Variants in SHANK2 observed in about 807,000 individuals in gnomAD.
SHANK2 encodes the protein SH3 and multiple ankyrin repeat domains protein 2.
A neutral mutation model predicts 133.7 loss-of-function variants in SHANK2; 43 were observed. The ratio of observed to expected loss-of-function variants is 0.32; its 90% CI spans 0.25 to 0.41. The LOEUF is 0.41. SHANK2 is among the 10% of genes least tolerant of loss of function. SHANK2 has a pLI of 1.00. For synonymous variants in SHANK2, 1,017 were observed against 952.8 expected (o/e 1.07, Z -1.24); for missense variants, 1,994 against 2,235.8 (o/e 0.89, Z 2.18).
chr11:70,661,498 T>TACAC, intron 16 of SHANK2, 98 bp downstream of exon 16: 1 of 1,067,576 alleles, frequency 9.4e-7, no homozygotes, highest in East Asian at 2.5e-5. Context: ...CATGCAGGCG[T>TACAC]ATACACACAC....
At chr11:71,186,175 T>C (rs1590999936) in intron 2 of SHANK2, among the ~76,000 whole-genome samples, 1 of 152,200 alleles carries the variant, frequency 6.6e-6, no homozygotes, top group African/African-American at 2.4e-5. Flanking sequence ...TTACTGTCAC[T>C]GAGAAACCTG....
At chr11:70,528,873 C>A (rs1386302850) in intron 17 of SHANK2, among the ~76,000 whole-genome samples, 1 of 152,108 alleles carries the variant, frequency 6.6e-6, no homozygotes, top group Non-Finnish European at 1.5e-5. Context: ...CTCCAGGGTC[C>A]CCACACCCGC....
chr11:70,743,260 T>C (rs1555035174), intron 14 of SHANK2, among the ~76,000 whole-genome samples: 1 of 152,164 alleles, frequency 6.6e-6, no homozygotes, highest in African/African-American at 2.4e-5. Flanking sequence ...CCCCCCCAGT[T>C]CATATATTGG....
chr11:70,936,461 G>A (rs940894327), intron 10 of SHANK2, among the ~76,000 whole-genome samples: 2 of 152,154 alleles, frequency 1.3e-5, no homozygotes, highest in South Asian at 2.1e-4. Flanking sequence ...GCAGTGAGCC[G>A]AGATCACCCC....
intron 10 of SHANK2, among the ~76,000 whole-genome samples, chr11:70,898,307 CACACAT>C (rs1472033224): frequency 2.0e-5 from 3 of 149,290 alleles, no homozygotes; most frequent in African/African-American, 7.5e-5. Context: ...CACACACACA[CACACAT>C]ATATATATGT....
intron 17 of SHANK2, among the ~76,000 whole-genome samples, chr11:70,647,928 C>G (rs1322632941): frequency 6.6e-6 from 1 of 152,190 alleles, no homozygotes; most frequent in Non-Finnish European, 1.5e-5. Context: ...GGTATGTACC[C>G]TAAGGAACTG....
chr11:70,881,186 C>T (rs546672008), intron 11 of SHANK2, among the ~76,000 whole-genome samples: 6 of 152,230 alleles, frequency 3.9e-5, no homozygotes, highest in African/African-American at 1.4e-4. Flanking sequence ...TACAGGCCTG[C>T]ACCACCACGC....
At position 70,806,181 on chromosome 11, in the gene SHANK2, TGCCCTCCAATGGCAAG is replaced by T. The variant is rs1174797390; in HGVS notation, c.1663+805_1663+820del. On this transcript the variant is annotated intron_variant, in intron 13 of 25. Transcript: ENST00000601538. ...CACCCATGCCACTCCAATGGCAACC[TGCCCTCCAATGGCAAG>T]GCCCTCCAATGGCAGGGCCCGGCAT... 1.2e-4 allele frequency among the ~76,000 whole-genome samples: 18 copies of T among 152,326 alleles called. 2 individuals carry two copies. Among genetic ancestry groups the T allele is most frequent in the South Asian group, 1.0e-3 (5 of 4,830 alleles).
At chr11:70,493,161 GT>G (rs1170084507) in intron 21 of SHANK2, among the ~76,000 whole-genome samples, 47 of 141,958 alleles carry the variant, frequency 3.3e-4, no homozygotes, top group South Asian at 1.1e-3. Flanking sequence ...ACTTTTTGAA[GT>G]TTTTTTTTTT....
At chr11:71,207,589 C>CA (rs1954153481) in intron 2 of SHANK2, among the ~76,000 whole-genome samples, 1 of 152,120 alleles carries the variant, frequency 6.6e-6, no homozygotes, top group African/African-American at 2.4e-5. Context: ...TTCTTCTTTC[C>CA]AAGAAAAGGG....
chr11:70,683,489 TC>T (rs1242476750), intron 15 of SHANK2, among the ~76,000 whole-genome samples: 1 of 152,222 alleles, frequency 6.6e-6, no homozygotes, highest in Non-Finnish European at 1.5e-5. Flanking sequence ...TGCTACATGC[TC>T]TCAGAGTTTC....
chr11:70,715,651 A>G (rs1381099476), intron 14 of SHANK2, among the ~76,000 whole-genome samples: 1 of 152,256 alleles, frequency 6.6e-6, no homozygotes, highest in African/African-American at 2.4e-5. Context: ...ATACCAATAC[A>G]TCGAGCCAAA....
chr11:70,784,107 C>T (rs1002599970), intron 14 of SHANK2, among the ~76,000 whole-genome samples: 7 of 152,092 alleles, frequency 4.6e-5, no homozygotes, highest in Middle Eastern at 3.4e-3. Context: ...AGGAAGAAGC[C>T]GGGCACCCTG....
intron 2 of SHANK2, among the ~76,000 whole-genome samples, chr11:71,200,831 T>TACACAC (rs56749664): frequency 0.06 from 8,743 of 144,956 alleles, 489 homozygotes; most frequent in African/African-American, 0.14. Context: ...TCTCAATTAA[T>TACACAC]ACACACACAC....
At chr11:70,683,818 C>G (rs1007043780) in intron 15 of SHANK2, among the ~76,000 whole-genome samples, 16 of 151,412 alleles carry the variant, frequency 1.1e-4, no homozygotes, top group African/African-American at 3.7e-4. Flanking sequence ...GAGTCTCCCT[C>G]TGTTGCCCAG....
intron 17 of SHANK2, among the ~76,000 whole-genome samples, chr11:70,514,998 T>C (rs1175258268): frequency 1.3e-5 from 2 of 152,236 alleles, no homozygotes; most frequent in Non-Finnish European, 2.9e-5. Flanking sequence ...TGAGAGTTAA[T>C]AAATGAGAAA....
At chr11:70,568,485 C>T (rs1361834902) in intron 17 of SHANK2, among the ~76,000 whole-genome samples, 1 of 152,096 alleles carries the variant, frequency 6.6e-6, no homozygotes, top group Non-Finnish European at 1.5e-5. Context: ...GAGGCGGCTG[C>T]AATCCTCGGA....
intron 14 of SHANK2, among the ~76,000 whole-genome samples, chr11:70,721,406 T>C (rs982901053): frequency 1.3e-5 from 2 of 152,252 alleles, no homozygotes; most frequent in Non-Finnish European, 2.9e-5. Flanking sequence ...GGGTCAGAGA[T>C]GCCAACATCT....
At chr11:70,885,485 GTCC>G (rs1411285825) in intron 11 of SHANK2, among the ~76,000 whole-genome samples, 9 of 152,240 alleles carry the variant, frequency 5.9e-5, no homozygotes, top group Non-Finnish European at 1.0e-4. Context: ...GGGACTCCGT[GTCC>G]TCCACCCAGT....
Sources: gnomAD v4.1 joint callset for allele counts (sites outside exome capture counted in the v4.1 genomes callset) on GRCh38, gnomAD v4.1.1 for gene constraint, MANE v1.5 for transcripts, NCBI Gene and HGNC (gene_info 2026-07-23, HGNC 2026-07-21) for gene names.